Variants in QTMAN observed in about 807,000 individuals in gnomAD.
The protein encoded by QTMAN is tRNA-queuosine alpha-mannosyltransferase.
chr2:144,265,956 T>C, the QTMAN span, among the ~76,000 whole-genome samples: 1 of 152,352 alleles, frequency 6.6e-6, no homozygotes, highest in African/African-American at 2.4e-5. Context: ...CACATTCATC[T>C]ATATTCACAG....
chr2:144,065,966 T>G, the QTMAN span, among the ~76,000 whole-genome samples: 2 of 152,178 alleles, frequency 1.3e-5, no homozygotes, highest in African/African-American at 4.8e-5. Flanking sequence ...AGCAGGGTGT[T>G]GAGAAGACCA....
chr2:144,060,720 G>T, the QTMAN span, among the ~76,000 whole-genome samples: 1 of 152,052 alleles, frequency 6.6e-6, no homozygotes, highest in Non-Finnish European at 1.5e-5. Flanking sequence ...GCATATATCT[G>T]CATGGAGAAA....
the QTMAN span, among the ~76,000 whole-genome samples, chr2:144,266,333 A>G: frequency 6.6e-6 from 1 of 152,232 alleles, no homozygotes; most frequent in Admixed American, 6.5e-5. Flanking sequence ...AAGTGGTTGT[A>G]AAAAAGAATC....
chr2:144,180,804 T>A, the QTMAN span, among the ~76,000 whole-genome samples: 2 of 152,178 alleles, frequency 1.3e-5, no homozygotes, highest in Non-Finnish European at 2.9e-5. Context: ...GTATGAAGTG[T>A]TTGATCAGTG....
chr2:144,020,677 G>A, the QTMAN span, among the ~76,000 whole-genome samples: 5 of 152,128 alleles, frequency 3.3e-5, no homozygotes, highest in African/African-American at 4.8e-5. Flanking sequence ...GCAGTGGGGC[G>A]CTGAAGCAGC....
chr2:144,042,197 A>T, the QTMAN span, among the ~76,000 whole-genome samples: 1 of 152,086 alleles, frequency 6.6e-6, no homozygotes, highest in Non-Finnish European at 1.5e-5. Context: ...GTGCAGAGGG[A>T]AAAAACACAA....
chr2:144,211,295 G>A, the QTMAN span: 1 of 152,618 alleles, frequency 6.6e-6, no homozygotes, highest in Non-Finnish European at 1.5e-5. Context: ...CCACCCCTCT[G>A]ACAGCTCAGT....
At chr2:144,098,213 G>A in the QTMAN span, among the ~76,000 whole-genome samples, 1 of 152,184 alleles carries the variant, frequency 6.6e-6, no homozygotes, top group Admixed American at 6.5e-5. Context: ...TTTCAGTTAA[G>A]GGTCCAAGCT....
chr2:144,081,572 A>G, the QTMAN span, among the ~76,000 whole-genome samples: 1 of 152,114 alleles, frequency 6.6e-6, no homozygotes, highest in African/African-American at 2.4e-5. Flanking sequence ...GGAAATACTC[A>G]GCCTCTACCT....
chr2:144,191,794 G>A, the QTMAN span, among the ~76,000 whole-genome samples: 1 of 152,082 alleles, frequency 6.6e-6, no homozygotes, highest in African/African-American at 2.4e-5. Flanking sequence ...TAACCCTAAA[G>A]TATACTTTGT....
chr2:144,095,110 A>C, the QTMAN span, among the ~76,000 whole-genome samples: 1 of 152,062 alleles, frequency 6.6e-6, no homozygotes, highest in African/African-American at 2.4e-5. Flanking sequence ...GATGCTTGTC[A>C]TTCTCCCCTA....
the QTMAN span, among the ~76,000 whole-genome samples, chr2:144,291,432 T>G: frequency 6.6e-6 from 1 of 152,208 alleles, no homozygotes; most frequent in Admixed American, 6.5e-5. Flanking sequence ...CACCCTTTAT[T>G]CAGGTACTCC....
the QTMAN span, among the ~76,000 whole-genome samples, chr2:144,055,192 A>G: frequency 3.3e-5 from 5 of 152,218 alleles, no homozygotes; most frequent in African/African-American, 1.2e-4. Context: ...TGCACTCCTA[A>G]ATATTTATTG....
the QTMAN span, among the ~76,000 whole-genome samples, chr2:144,253,721 C>A: frequency 6.8e-6 from 1 of 146,566 alleles, no homozygotes; most frequent in Admixed American, 6.8e-5. Flanking sequence ...GGTGACAGAG[C>A]ATAAAAGTTT....
chr2:144,217,254 C>T, the QTMAN span, among the ~76,000 whole-genome samples: 2 of 151,998 alleles, frequency 1.3e-5, no homozygotes, highest in African/African-American at 2.4e-5. Flanking sequence ...TAAAGAATAT[C>T]GGCATCATAG....
the QTMAN span, among the ~76,000 whole-genome samples, chr2:143,969,206 G>A: frequency 6.6e-6 from 1 of 151,916 alleles, no homozygotes; most frequent in Non-Finnish European, 1.5e-5. Context: ...TCCCCTTTTG[G>A]AATAACTTAA....
chr2:144,201,060 G>T, the QTMAN span, among the ~76,000 whole-genome samples: 5 of 152,098 alleles, frequency 3.3e-5, no homozygotes, highest in Non-Finnish European at 7.4e-5. Flanking sequence ...AGATAGATAT[G>T]ACTCTTGTCA....
At chr2:143,974,181 C>T in the QTMAN span, among the ~76,000 whole-genome samples, 1 of 152,158 alleles carries the variant, frequency 6.6e-6, no homozygotes, top group South Asian at 2.1e-4. Context: ...GCCCAATTTG[C>T]TACAACCATA....
the QTMAN span, among the ~76,000 whole-genome samples, chr2:144,156,215 C>A: frequency 6.6e-6 from 1 of 152,072 alleles, no homozygotes; most frequent in Admixed American, 6.6e-5. Flanking sequence ...GGCAAGTTCA[C>A]GACAGTTCTT....
Sources: allele counts gnomAD v4.1 joint callset (sites outside exome capture counted in the v4.1 genomes callset), GRCh38; gene constraint gnomAD v4.1.1; transcripts MANE v1.5; gene names NCBI Gene and HGNC (gene_info 2026-07-23, HGNC 2026-07-21).